Variants in MSRA observed in about 807,000 individuals in gnomAD.
The protein encoded by MSRA is methionine sulfoxide reductase A.
Under a neutral mutation model 31.3 loss-of-function variants are expected in MSRA, and 54 were observed. The observed-to-expected ratio is 1.73, with a 90% CI of 1.39 to 2.17. The LOEUF is 2.17. Among genes scored for constraint, MSRA ranks in the 30% most tolerant of loss-of-function variants. The probability of loss-of-function intolerance (pLI) is 0.00; values close to 1 mark genes in which losing one functional copy is unlikely to be tolerated. For synonymous variants in MSRA, 169 were observed against 116.5 expected (o/e 1.45, Z -2.90); for missense variants, 507 against 300.9 (o/e 1.69, Z -5.07).
chr8:10,245,315 GT>G, intron 3 of MSRA, 92 bp downstream of exon 3: 4 of 1,216,778 alleles, frequency 3.3e-6, no homozygotes, highest in East Asian at 2.4e-5. Context: ...ATGGAAATAT[GT>G]TTTTTTAAAA....
intron 1 of MSRA, among the ~76,000 whole-genome samples, chr8:10,105,581 T>TA (rs1799826251): frequency 6.6e-6 from 1 of 152,330 alleles, no homozygotes; most frequent in Admixed American, 6.5e-5. Flanking sequence ...TCTGCAATGT[T>TA]ACCAAATAGG....
chr8:10,320,415 C>T (rs868338034), intron 5 of MSRA: 2 of 154,274 alleles, frequency 1.3e-5, no homozygotes, highest in Non-Finnish European at 1.4e-5. Context: ...CTGCAGTGAC[C>T]TGTGATTGCA....
rs574443228 is a variant in MSRA at position 10,341,725 on chromosome 8, C to G, written c.543+21736C>G. ...ATAAAATGTAGCTAATCATATGAAC[C>G]TCGGAGGTTGATGGTGTGACGTAAG... is the stretch of plus-strand genomic sequence containing the variant. On this transcript the variant is annotated intron_variant, in intron 5 of 5. Coordinates refer to ENST00000317173, the MANE Select transcript of MSRA (RefSeq NM_012331.5). Among the ~76,000 whole-genome samples, 3 of 152,118 alleles carry G rather than the reference C, an allele frequency of 2.0e-5. No individual in the cohort carries two copies. In the East Asian group the frequency reaches 5.8e-4, roughly 29 times the overall value.
chr8:10,363,099 C>A (rs781002527), intron 5 of MSRA, among the ~76,000 whole-genome samples: 19 of 152,174 alleles, frequency 1.2e-4, no homozygotes, highest in Non-Finnish European at 2.4e-4. Context: ...AACATTTTCC[C>A]CCCAGAAATG....
intron 1 of MSRA, among the ~76,000 whole-genome samples, chr8:10,104,763 C>A (rs952970121): frequency 6.6e-6 from 1 of 152,168 alleles, no homozygotes; most frequent in Non-Finnish European, 1.5e-5. Context: ...GCATGTCCAA[C>A]CCCCCTTCAC....
intron 5 of MSRA, among the ~76,000 whole-genome samples, chr8:10,424,389 A>G (rs1211490814): frequency 1.4e-5 from 2 of 144,514 alleles, no homozygotes; most frequent in Non-Finnish European, 3.0e-5. Flanking sequence ...GTGGAGTGGG[A>G]TGGAGAGAAG....
intron 4 of MSRA, among the ~76,000 whole-genome samples, chr8:10,317,473 G>C (rs772195733): frequency 6.6e-5 from 10 of 152,184 alleles, no homozygotes; most frequent in Non-Finnish European, 1.5e-4. Flanking sequence ...AGAAACCTCA[G>C]AGCAGTCTTA....
intron 2 of MSRA, among the ~76,000 whole-genome samples, chr8:10,243,469 C>T (rs529730291): frequency 6.6e-6 from 1 of 152,124 alleles, no homozygotes; most frequent in Non-Finnish European, 1.5e-5. Flanking sequence ...TTTATAGATA[C>T]TCAATAAATA....
intron 1 of MSRA, among the ~76,000 whole-genome samples, chr8:10,182,551 GTTTA>G (rs142017162): frequency 1.5e-3 from 236 of 152,262 alleles, no homozygotes; most frequent in African/African-American, 3.4e-3. Flanking sequence ...GCAAGATTCA[GTTTA>G]TTTATTTATT....
intron 4 of MSRA, among the ~76,000 whole-genome samples, chr8:10,307,303 A>G (rs568597220): frequency 2.0e-5 from 3 of 151,868 alleles, no homozygotes; most frequent in East Asian, 3.9e-4. Context: ...AGTAGCTAGG[A>G]TGACAGGTGC....
chr8:10,223,536 TC>T (rs1585207902), intron 2 of MSRA, among the ~76,000 whole-genome samples: 1 of 152,172 alleles, frequency 6.6e-6, no homozygotes, highest in African/African-American at 2.4e-5. Flanking sequence ...TGAAGACAGG[TC>T]AGTAGAAATT....
chr8:10,182,274 G>A (rs936148071), intron 1 of MSRA, among the ~76,000 whole-genome samples: 1 of 152,176 alleles, frequency 6.6e-6, no homozygotes, highest in South Asian at 2.1e-4. Flanking sequence ...TGAAGGTGCA[G>A]GCTGTTAAGG....
chr8:10,104,743 A>C (rs1799768614), intron 1 of MSRA, among the ~76,000 whole-genome samples: 2 of 152,174 alleles, frequency 1.3e-5, no homozygotes. Context: ...AGGGAGACGG[A>C]TATAATGAGG....
At chr8:10,221,554 G>A (rs1179455947) in intron 2 of MSRA, among the ~76,000 whole-genome samples, 1 of 151,972 alleles carries the variant, frequency 6.6e-6, no homozygotes, top group Non-Finnish European at 1.5e-5. Context: ...CTAGTTAATG[G>A]CCTGGCACTG....
intron 1 of MSRA, among the ~76,000 whole-genome samples, chr8:10,145,226 A>T (rs192104817): frequency 1.3e-5 from 2 of 152,186 alleles, no homozygotes; most frequent in Non-Finnish European, 2.9e-5. Context: ...CACCTGTTCT[A>T]TGTGGGGATC....
chr8:10,073,889 C>A (rs1797859730), intron 1 of MSRA, among the ~76,000 whole-genome samples: 2 of 151,804 alleles, frequency 1.3e-5, no homozygotes, highest in Admixed American at 1.3e-4. Flanking sequence ...TTCTTTCCTG[C>A]CTTGATTCTC....
At chr8:10,307,294 G>A (rs1392406201) in intron 4 of MSRA, among the ~76,000 whole-genome samples, 6 of 151,800 alleles carry the variant, frequency 4.0e-5, no homozygotes, top group Non-Finnish European at 8.8e-5. Context: ...AGCCTCCTGA[G>A]TAGCTAGGAT....
chr8:10,073,627 C>G (rs1797849279), intron 1 of MSRA, among the ~76,000 whole-genome samples: 2 of 152,030 alleles, frequency 1.3e-5, no homozygotes, highest in South Asian at 4.1e-4. Flanking sequence ...ACTCCACACA[C>G]TCTTACTCTA....
At chr8:10,095,419 A>G (rs1021273339) in intron 1 of MSRA, 8 of 962,220 alleles carry the variant, frequency 8.3e-6, no homozygotes, top group Non-Finnish European at 9.9e-6. Context: ...TGGGTACCGT[A>G]CCACGGTTTC....
Sources: allele counts gnomAD v4.1 joint callset (sites outside exome capture counted in the v4.1 genomes callset), GRCh38; gene constraint gnomAD v4.1.1; transcripts MANE v1.5; gene names NCBI Gene and HGNC (gene_info 2026-07-23, HGNC 2026-07-21).